Variants in MYBPC2 observed in about 807,000 individuals in gnomAD.
The protein encoded by MYBPC2 is myosin-binding protein C, fast-type.
A neutral mutation model predicts 137.0 loss-of-function variants in MYBPC2; 122 were observed. That is an observed-to-expected ratio of 0.89 (90% CI 0.77 to 1.03). The LOEUF is 1.03. MYBPC2 is among the 50% of genes least tolerant of loss of function. MYBPC2 has a pLI of 0.00. For missense variants in MYBPC2, 1,500 were observed against 1,534.4 expected, an observed-to-expected ratio of 0.98 and a Z score of 0.37; for synonymous variants, 626 against 612.3, an observed-to-expected ratio of 1.02 and a Z score of -0.33.
chr19:50,436,066 C>T lies in MYBPC2; in HGVS notation c.251C>T (p.Pro84Leu), dbSNP rs369687162. Residue 84 changes from proline to leucine, a missense_variant, in exon 4 of 28, where the codon CCG becomes CTG. Transcript: ENST00000357701. ...KVNGKELPDK[P>L]TIKWFKGKWL... ...AACGGGAAGGAGCTCCCAGACAAAC[C>T]GACCATCAAGTGGTTCAAGGGGAAG... 3.9e-5 allele frequency: 61 copies of T among 1,584,290 alleles called. No homozygotes were observed. The highest frequency in any genetic ancestry group is 7.2e-5 in the Admixed American group (4 of 55,424).
At chr19:50,451,174 C>T (rs977056340) in intron 14 of MYBPC2, 106 bp from the exon 15 acceptor site, 11 of 1,419,078 alleles carry the variant, frequency 7.8e-6, no homozygotes, top group Middle Eastern at 1.8e-4. Flanking sequence ...CACCCCAGTT[C>T]CCAGGGAGAC....
intron 7 of MYBPC2, among the ~76,000 whole-genome samples, chr19:50,439,905 T>C (rs962184540): frequency 4.6e-5 from 7 of 152,180 alleles, no homozygotes; most frequent in African/African-American, 1.7e-4. Flanking sequence ...ACTTTGGTGC[T>C]AGGTCTTGTA....
rs879141159 is a variant in MYBPC2, at chr19:50,436,068, A to G, written c.253A>G (p.Thr85Ala). 1.9e-6 allele frequency: 3 copies of G among 1,584,494 alleles called. No homozygotes were observed. The South Asian group carries it at 3.5e-5, about 18-fold the overall frequency. The stretch of plus-strand genomic sequence containing the variant: ...CGGGAAGGAGCTCCCAGACAAACCG[A>G]CCATCAAGTGGTTCAAGGGGAAGTG... ...VNGKELPDKP[T>A]IKWFKGKWLE... Residue 85 changes from threonine (T) to alanine (A), a missense_variant, in exon 4 of 28, where the codon ACC becomes GCC. Physicochemically the swap from Thr to Ala is moderately conservative, Grantham distance 58. Coordinates refer to ENST00000357701, the MANE Select transcript of MYBPC2 (RefSeq NM_004533.4).
intron 13 of MYBPC2, among the ~76,000 whole-genome samples, chr19:50,450,251 G>A (rs942384156): frequency 9.9e-5 from 15 of 152,012 alleles, no homozygotes; most frequent in African/African-American, 3.6e-4. Context: ...TCTAGGTGTG[G>A]TTTTTTTCTT....
rs1346142464 is a variant in MYBPC2, at chr19:50,435,880, G to C, written c.196+18G>C. 6.4e-7 allele frequency: 1 copy of C among 1,572,644 alleles called. No individual in the cohort carries two copies. The highest frequency in any genetic ancestry group is 1.2e-5 in the South Asian group (1 of 85,884). ...GGAGACTGGTGAGGGGAACCCGGGG[G>C]AGGAGGGGCTGCGGCCCGGACTCCT... is the stretch of plus-strand genomic sequence containing the variant. On this transcript the variant is annotated intron_variant, in intron 3 of 27. Coordinates refer to ENST00000357701, the MANE Select transcript of MYBPC2 (RefSeq NM_004533.4). The surrounding 1 kb of genome is among the most constrained non-coding windows in gnomAD (Gnocchi z 4.8).
In MYBPC2 at chr19:50,465,793, T is replaced by C. The variant is rs1207842725; in HGVS notation, c.3416-402T>C. On this transcript the variant is annotated intron_variant, in intron 27 of 27. Coordinates refer to ENST00000357701, the MANE Select transcript of MYBPC2 (RefSeq NM_004533.4). The surrounding 1 kb of genome is among the most constrained non-coding windows in gnomAD (Gnocchi z 4.5). ...CAGGGAGGCCGAGGCTGCAGTGAGC[T>C]GAGATGGCACCACTGCACTCCAGCC... is the stretch of plus-strand genomic sequence containing the variant. Among the ~76,000 whole-genome samples the C allele has an allele frequency of 1.3e-5, 2 of 152,054 alleles. No homozygotes were observed. The highest frequency in any genetic ancestry group is 2.4e-5 in the African/African-American group (1 of 41,404).
rs532803081 is a variant in MYBPC2 at position 50,451,124 on chromosome 19, C to T, written c.1580-156C>T. 3.1e-3 allele frequency among the ~76,000 whole-genome samples: 475 copies of T among 152,216 alleles called. 1 individual carries two copies. Among genetic ancestry groups the T allele is most frequent in the Non-Finnish European group, 4.4e-3 (300 of 68,022 alleles). On this transcript the variant is annotated intron_variant, in intron 14 of 27. Coordinates refer to ENST00000357701, the MANE Select transcript of MYBPC2 (RefSeq NM_004533.4). ...GCTGAACTCGCTGCCACCTGCCGCC[C>T]GGGAGGAGGGGTGGCTCCTGGGCCT...
At position 50,435,744 on chromosome 19, in the gene MYBPC2, A is replaced by T. The variant is rs1442972437; in HGVS notation, c.110-32A>T. On this transcript the variant is annotated intron_variant, in intron 2 of 27. Transcript: ENST00000357701. This position sits in a 1 kb window ranked among gnomAD's most constrained non-coding sequence, Gnocchi z 4.8. ...CTGTCCCCTCCCCAGCCTATCTCAG[A>T]CCTCCTCATCCTAATCCTGTCCCCT... The T allele has an allele frequency of 6.4e-7, 1 of 1,560,670 alleles. No homozygotes were observed. Among genetic ancestry groups the T allele is most frequent in the South Asian group, 1.2e-5 (1 of 86,224 alleles).
Position 50,460,062 on chromosome 19 carries a change from C to G in MYBPC2, c.2814C>G (p.Asn938Lys), listed in dbSNP as rs746922627. Reference sequence around the variant, plus strand: ...CAGAAAAGGCTGGGCCCCCCATAAACGTGATGGTGAAGGAGGTGTGGGGCA... The same window carrying G: ...CAGAAAAGGCTGGGCCCCCCATAAAGGTGATGGTGAAGGAGGTGTGGGGCA... ...RVVEKAGPPINVMVKEVWGTN... is the reference protein window; with the variant it reads ...RVVEKAGPPIKVMVKEVWGTN... The change falls in exon 24 of 28, where the codon AAC (asparagine) becomes AAG (lysine). Residue 938 changes from asparagine to lysine, a missense_variant. Asn to Lys is a moderately conservative substitution (Grantham distance 94). Transcript: ENST00000357701. 6.4e-6 allele frequency: 10 copies of G among 1,556,480 alleles called. No homozygotes were observed. In the South Asian group the frequency reaches 7.1e-5, roughly 11 times the overall value.
rs565925490 is a variant in MYBPC2 at position 50,448,142 on chromosome 19, C to T, written c.1307-83C>T. On this transcript the variant is annotated intron_variant, in intron 12 of 27. Coordinates refer to ENST00000357701, the MANE Select transcript of MYBPC2 (RefSeq NM_004533.4). The stretch of plus-strand genomic sequence containing the variant: ...CTGGTATCCCCAGTGCCTAGACCAG[C>T]GCCTGGCACACAGTGGGTGCTCACA... 2.0e-5 allele frequency: 29 copies of T among 1,469,346 alleles called. 1 individual carries two copies. Among genetic ancestry groups the T allele is most frequent in the South Asian group, 1.4e-4 (10 of 73,374 alleles). The allele number at this position is 1,469,346 out of a possible 1,614,324, so 91.0% of individuals were successfully genotyped here.
chr19:50,461,243 G>A (rs1447093831), intron 24 of MYBPC2, among the ~76,000 whole-genome samples: 3 of 141,850 alleles, frequency 2.1e-5, no homozygotes, highest in Non-Finnish European at 4.6e-5. Flanking sequence ...AGGCTCAAGC[G>A]AGCCTCCCAC....
chr19:50,461,976 C>A lies in MYBPC2; in HGVS notation c.3168C>A (p.Asp1056Glu), dbSNP rs1395819353. 2 of 1,580,916 alleles carry A rather than the reference C, an allele frequency of 1.3e-6. No homozygotes were observed. The highest frequency in any genetic ancestry group is 1.7e-6 in the Non-Finnish European group (2 of 1,162,994). Residue 1056 changes from aspartate to glutamate, a missense_variant, in exon 26 of 28, where the codon GAC becomes GAA. Transcript: ENST00000357701. The part of the protein sequence containing the change: ...MAPKFLTPLI[D>E]RVVVAGYSAA... Reference sequence around the variant, plus strand: ...CCAAGTTCCTGACACCTCTCATAGACCGCGTGGTCGTGGCTGGGTACTCGG... The same window carrying A: ...CCAAGTTCCTGACACCTCTCATAGAACGCGTGGTCGTGGCTGGGTACTCGG...
At chr19:50,442,438 G>A (rs1018880325) in intron 9 of MYBPC2, 125 bp downstream of exon 9, 38 of 1,334,940 alleles carry the variant, frequency 2.8e-5, no homozygotes, top group Admixed American at 2.5e-5. Flanking sequence ...GTACAGGCCG[G>A]GCACAGTGGC....
chr19:50,450,847 C>G lies in MYBPC2; in HGVS notation c.1491C>G (p.Ile497Met). ...SHVGRFHKLV[I>M]DDVRPEDEGD... The stretch of plus-strand genomic sequence containing the variant: ...CCCTTAGGTTCCACAAGCTGGTGAT[C>G]GATGACGTCCGCCCCGAGGATGAGG... The change falls in exon 14 of 28, where the codon ATC becomes ATG. Residue 497 changes from isoleucine (I) to methionine (M), a missense_variant. Physicochemically the swap from Ile to Met is conservative, Grantham distance 10 (BLOSUM62 1). Transcript: ENST00000357701. 1 of 1,572,392 alleles carries G rather than the reference C, an allele frequency of 6.4e-7. No homozygotes were observed.
chr19:50,437,841 GT>G (rs1009659920), intron 7 of MYBPC2, 123 bp downstream of exon 7: 3 of 1,109,138 alleles, frequency 2.7e-6, no homozygotes, highest in Non-Finnish European at 4.0e-6. Context: ...ACCTCCATCT[GT>G]TCACTCCCTG....
rs942133649 is a variant in MYBPC2 at position 50,458,688 on chromosome 19, G to A, written c.2440G>A (p.Val814Ile). ...CAGAATCCTCTTCCGAGTAGTTGGG[G>A]TCAACATCGCGGGGCGCAGCGAGCC... Reference protein sequence around the residue: ...GARILFRVVGVNIAGRSEPAT... With the variant: ...GARILFRVVGINIAGRSEPAT... Residue 814 changes from valine to isoleucine, a missense_variant, in exon 21 of 28, where the codon GTC becomes ATC. Coordinates refer to ENST00000357701, the MANE Select transcript of MYBPC2 (RefSeq NM_004533.4). 10 of 1,611,734 alleles carry A rather than the reference G, an allele frequency of 6.2e-6. No homozygotes were observed. Among genetic ancestry groups the A allele is most frequent in the Non-Finnish European group, 7.6e-6 (9 of 1,179,872 alleles).
intron 1 of MYBPC2, among the ~76,000 whole-genome samples, chr19:50,433,684 C>CGAGCCAGACTGGCAT (rs1568655957): frequency 1.4e-5 from 2 of 146,176 alleles, no homozygotes; most frequent in Non-Finnish European, 3.0e-5. Flanking sequence ...CATGAGCCGC[C>CGAGCCAGACTGGCAT]GAGCCCGGCC....
intron 5 of MYBPC2, among the ~76,000 whole-genome samples, chr19:50,436,986 T>C (rs747606295): frequency 3.3e-4 from 50 of 152,152 alleles, no homozygotes; most frequent in Non-Finnish European, 1.8e-4. Context: ...AGGTGAGTTA[T>C]GCACATTCCA....
In MYBPC2 at chr19:50,437,707, G is replaced by A. The variant is rs1243972689; in HGVS notation, c.561G>A (p.Leu187=). The A allele has an allele frequency of 2.5e-6, 4 of 1,603,646 alleles. No individual in the cohort carries two copies. Among genetic ancestry groups the A allele is most frequent in the Non-Finnish European group, 3.4e-6 (4 of 1,174,994 alleles). ...DTAGELDFSG[L]LKKREVVEEE... ...CAGGTGAGCTGGATTTCAGTGGCCTGTTGAAGAAGAGGTGAGCCCCGGACT... is the reference window on the plus strand; with the variant it reads ...CAGGTGAGCTGGATTTCAGTGGCCTATTGAAGAAGAGGTGAGCCCCGGACT... Residue 187 remains leucine, a synonymous_variant, in exon 7 of 28, where the codon CTG becomes CTA. Coordinates refer to ENST00000357701, the MANE Select transcript of MYBPC2 (RefSeq NM_004533.4).
Sources: gnomAD v4.1 joint callset for allele counts (sites outside exome capture counted in the v4.1 genomes callset) on GRCh38, gnomAD v4.1.1 for gene constraint, Gnocchi (gnomAD v3.1) non-coding constraint, MANE v1.5 for transcripts, NCBI Gene and HGNC (gene_info 2026-07-23, HGNC 2026-07-21) for gene names.